C1GALT1: variants seen among roughly 807,000 people sequenced by gnomAD.
The protein encoded by C1GALT1 is glycoprotein-N-acetylgalactosamine 3-beta-galactosyltransferase 1.
A neutral mutation model predicts 31.0 loss-of-function variants in C1GALT1; 11 were observed. The observed-to-expected ratio is 0.36, with a 90% CI of 0.22 to 0.59. The LOEUF is 0.59. Among genes scored for constraint, C1GALT1 ranks in the 20% least tolerant of loss-of-function variants. C1GALT1 has a pLI of 0.79. For missense variants in C1GALT1, 424 were observed against 425.2 expected (o/e 1.00, Z 0.03); for synonymous variants, 175 against 143.6 (o/e 1.22, Z -1.56).
chr7:7,238,179 C>G lies in C1GALT1; in HGVS notation c.221-76C>G. 7.4e-7 allele frequency: 1 copy of G among 1,347,854 alleles called. No homozygotes were observed. Among genetic ancestry groups the G allele is most frequent in the Non-Finnish European group, 1.0e-6 (1 of 995,614 alleles). The allele number at this position is 1,347,854 out of a possible 1,614,324, so 83.5% of individuals were successfully genotyped here. On this transcript the variant is annotated intron_variant, in intron 2 of 3. Coordinates refer to ENST00000436587, the MANE Select transcript of C1GALT1 (RefSeq NM_020156.5). The surrounding 1 kb of genome is among the most constrained non-coding windows in gnomAD (Gnocchi z 5.2). ...TAGGGACTTTGAAATTAGGACAGTG[C>G]TTTCTTCAGTATAATTTATTAATAT...
chr7:7,233,723 A>G (rs1445202904), intron 1 of C1GALT1, among the ~76,000 whole-genome samples: 1 of 152,264 alleles, frequency 6.6e-6, no homozygotes, highest in Non-Finnish European at 1.5e-5. Context: ...CTCTATTTAC[A>G]AAAACAGGTA....
chr7:7,207,450 T>C (rs901168395), intron 1 of C1GALT1, among the ~76,000 whole-genome samples: 11 of 146,568 alleles, frequency 7.5e-5, no homozygotes, highest in African/African-American at 5.0e-5. Flanking sequence ...TAGCTGGGAC[T>C]GTAGTTGTGC....
Position 7,193,432 on chromosome 7 carries a change from T to C in C1GALT1, c.-18+10612T>C, listed in dbSNP as rs1192995519. ...AGGGTGTCCTTTCCCCACTTTACGT[T>C]TGTGTTTGCTTTGTCAAAGATCAGT... On this transcript the variant is annotated intron_variant, in intron 1 of 3. Transcript: ENST00000436587. Among the ~76,000 whole-genome samples the C allele has an allele frequency of 2.0e-5, 3 of 152,178 alleles. 1 individual carries two copies. Among genetic ancestry groups the C allele is most frequent in the Non-Finnish European group, 4.4e-5 (3 of 68,042 alleles).
Position 7,212,825 on chromosome 7 carries a change from A to C in C1GALT1, c.-17-21478A>C, listed in dbSNP as rs182703001. ...GGCTGGGAGGAATGTTACAAAGTAC[A>C]TTCACAAGGACAGGGAATATCACAA... On this transcript the variant is annotated intron_variant, in intron 1 of 3. Transcript: ENST00000436587. 2.0e-4 allele frequency among the ~76,000 whole-genome samples: 30 copies of C among 152,296 alleles called. 1 individual carries two copies. The highest frequency in any genetic ancestry group is 6.7e-4 in the African/African-American group (28 of 41,552).
chr7:7,210,446 G>A (rs1428215376), intron 1 of C1GALT1: 1 of 79,816 alleles, frequency 1.3e-5, no homozygotes, highest in Non-Finnish European at 2.3e-5. Context: ...TGGTTTTAAG[G>A]AGCGGAGAGT....
intron 1 of C1GALT1, among the ~76,000 whole-genome samples, chr7:7,185,639 T>G (rs1780781270): frequency 6.6e-6 from 1 of 152,228 alleles, no homozygotes; most frequent in African/African-American, 2.4e-5. Context: ...TGTCTTCAGA[T>G]GGTGTGCTCC....
At chr7:7,194,194 G>A (rs1476183327) in intron 1 of C1GALT1, among the ~76,000 whole-genome samples, 2 of 152,046 alleles carry the variant, frequency 1.3e-5, no homozygotes, top group African/African-American at 4.8e-5. Context: ...CCTCTGGCTA[G>A]GACTTCCAGT....
rs1432845676 is a variant in C1GALT1, at chr7:7,244,999, C to G, written c.*1272C>G. On this transcript the variant is annotated 3_prime_UTR_variant, in exon 4 of 4. Coordinates refer to ENST00000436587, the MANE Select transcript of C1GALT1 (RefSeq NM_020156.5). ...TCAAGACTGTCATCAAAAACATTCA[C>G]AAATGTTTCATTCTATTTTTAGTGA... The G allele has an allele frequency of 4.6e-5, 7 of 152,180 alleles. No homozygotes were observed. In the East Asian group the frequency reaches 9.6e-4, roughly 21 times the overall value. The allele number at this position is 152,180 out of a possible 1,614,324, so 9.4% of individuals were successfully genotyped here.
chr7:7,182,672 C>CA lies in C1GALT1; in HGVS notation c.-166_-165insA. 4.6e-6 allele frequency: 2 copies of CA among 435,426 alleles called. No individual in the cohort carries two copies. Among genetic ancestry groups the CA allele is most frequent in the Non-Finnish European group, 6.1e-6 (2 of 327,084 alleles). 27.0% of individuals were successfully genotyped at this position (435,426 alleles called of 1,614,324 possible). A position where few individuals can be genotyped will look rare whatever the true frequency, so the allele number is the denominator to read the frequency against. ...GCCGCCGCCGCTGTGCTGCCGCTGC[C>CA]GGGGAATAATCTGGGCGGCAGCGGG... On this transcript the variant is annotated 5_prime_UTR_variant, in exon 1 of 4. Coordinates refer to ENST00000436587, the MANE Select transcript of C1GALT1 (RefSeq NM_020156.5).
intron 2 of C1GALT1, among the ~76,000 whole-genome samples, chr7:7,164,715 T>A (rs1780373916): frequency 6.6e-6 from 1 of 152,114 alleles, no homozygotes; most frequent in Non-Finnish European, 1.5e-5. Flanking sequence ...CTATTTTTAA[T>A]ACCCCTATGT....
At chr7:7,221,929 C>G (rs1399253214) in intron 1 of C1GALT1, among the ~76,000 whole-genome samples, 1 of 152,160 alleles carries the variant, frequency 6.6e-6, no homozygotes, top group African/African-American at 2.4e-5. Flanking sequence ...TAACCAATGA[C>G]TAATGATATG....
At chr7:7,193,725 A>G (rs1781169902) in intron 1 of C1GALT1, among the ~76,000 whole-genome samples, 1 of 152,072 alleles carries the variant, frequency 6.6e-6, no homozygotes, top group Non-Finnish European at 1.5e-5. Context: ...TGATGGTGAC[A>G]TTTTGATAGG....
At chr7:7,188,254 A>G (rs1780906658) in intron 1 of C1GALT1, among the ~76,000 whole-genome samples, 1 of 152,222 alleles carries the variant, frequency 6.6e-6, no homozygotes, top group South Asian at 2.1e-4. Flanking sequence ...TCTGAGTGAA[A>G]TAGGAACCCA....
At chr7:7,242,898 TTAAA>T (rs977773124) in intron 3 of C1GALT1, among the ~76,000 whole-genome samples, 19 of 152,130 alleles carry the variant, frequency 1.2e-4, no homozygotes, top group African/African-American at 4.6e-4. Context: ...ATTGTCTCCT[TTAAA>T]TAACCACCTT....
intron 1 of C1GALT1, among the ~76,000 whole-genome samples, chr7:7,185,203 C>G (rs561561034): frequency 3.3e-5 from 5 of 152,240 alleles, no homozygotes; most frequent in African/African-American, 1.2e-4. Context: ...GTAGTATGTG[C>G]TGCCTTGCAC....
At chr7:7,181,334 T>C (rs1264191563), upstream of C1GALT1, among the ~76,000 whole-genome samples, 2 of 148,722 alleles carry the variant, frequency 1.3e-5, no homozygotes, top group African/African-American at 2.5e-5. Flanking sequence ...GACGTAATCA[T>C]GTAAGGCAGA....
intron 2 of C1GALT1, among the ~76,000 whole-genome samples, chr7:7,174,123 G>C (rs1780481198): frequency 6.6e-6 from 1 of 151,922 alleles, no homozygotes; most frequent in Non-Finnish European, 1.5e-5. Flanking sequence ...CAGAAAGAGA[G>C]AGTGCTCTGG....
intron 1 of C1GALT1, among the ~76,000 whole-genome samples, chr7:7,184,411 A>T (rs1449047999): frequency 6.6e-6 from 1 of 152,210 alleles, no homozygotes; most frequent in Admixed American, 6.5e-5. Flanking sequence ...TTTCCTATTT[A>T]AAGTTTTTCA....
At chr7:7,237,144 AGTTTT>A (rs1783398386) in intron 2 of C1GALT1, among the ~76,000 whole-genome samples, 1 of 152,064 alleles carries the variant, frequency 6.6e-6, no homozygotes, top group African/African-American at 2.4e-5. Context: ...TTTATATTTT[AGTTTT>A]ATTTTTCTTA....
Sources: allele counts gnomAD v4.1 joint callset (sites outside exome capture counted in the v4.1 genomes callset), GRCh38; gene constraint gnomAD v4.1.1; non-coding constraint Gnocchi (gnomAD v3.1); transcripts MANE v1.5; gene names NCBI Gene and HGNC (gene_info 2026-07-23, HGNC 2026-07-21).